SLC35F1: variants seen among roughly 807,000 people sequenced by gnomAD.
SLC35F1 encodes the protein solute carrier family 35 member F1, also known as chromosome 6 open reading frame 169.
In SLC35F1, 14 loss-of-function variants were observed where a neutral mutation model predicts 48.7. That is an observed-to-expected ratio of 0.29 (90% CI 0.19 to 0.45). The LOEUF (loss-of-function observed/expected upper bound fraction) is 0.45, where lower values mean the gene tolerates loss of function less well. SLC35F1 is among the 20% of genes least tolerant of loss of function. The probability of loss-of-function intolerance (pLI) is 1.00; values close to 1 mark genes in which losing one functional copy is unlikely to be tolerated. For synonymous variants in SLC35F1, 190 were observed against 202.2 expected, an observed-to-expected ratio of 0.94 and a Z score of 0.51; for missense variants, 404 against 500.0, an observed-to-expected ratio of 0.81 and a Z score of 1.83.
intron 1 of SLC35F1, among the ~76,000 whole-genome samples, chr6:117,939,402 G>A (rs1998458): frequency 6.6e-6 from 1 of 152,032 alleles, no homozygotes; most frequent in Non-Finnish European, 1.5e-5. Context: ...CTGCATGTGA[G>A]TTTTGCATTT....
intron 1 of SLC35F1, chr6:117,998,829 A>G (rs1187536085): frequency 3.8e-6 from 2 of 521,280 alleles, no homozygotes; most frequent in African/African-American, 3.9e-5. Flanking sequence ...AGCAGGAAAG[A>G]TCCAAAATTG....
At chr6:117,975,429 G>C (rs1776693244) in intron 1 of SLC35F1, among the ~76,000 whole-genome samples, 1 of 152,192 alleles carries the variant, frequency 6.6e-6, no homozygotes, top group Non-Finnish European at 1.5e-5. Flanking sequence ...CAGCATCCCA[G>C]GAAAAGTCTG....
At chr6:118,049,386 C>T (rs2114908578) in intron 1 of SLC35F1, among the ~76,000 whole-genome samples, 1 of 152,172 alleles carries the variant, frequency 6.6e-6, no homozygotes, top group South Asian at 2.1e-4. Context: ...AACTAAAGAG[C>T]TTCTGCACAG....
At chr6:117,968,580 A>C (rs1776600457) in intron 1 of SLC35F1, among the ~76,000 whole-genome samples, 1 of 152,162 alleles carries the variant, frequency 6.6e-6, no homozygotes, top group Admixed American at 6.6e-5. Context: ...AGTGAGGTAG[A>C]TTTTGTTTAT....
chr6:118,030,895 A>T (rs978174394), intron 1 of SLC35F1, among the ~76,000 whole-genome samples: 1 of 152,184 alleles, frequency 6.6e-6, no homozygotes, highest in Admixed American at 6.5e-5. Context: ...TCCTCTAAGT[A>T]GGTCTTAATT....
chr6:118,209,027 C>T (rs528988056), intron 2 of SLC35F1, among the ~76,000 whole-genome samples: 2 of 152,284 alleles, frequency 1.3e-5, no homozygotes, highest in African/African-American at 4.8e-5. Flanking sequence ...CCTTGAAGAC[C>T]CTCATTCCAA....
rs1473497896 is a variant in SLC35F1 at position 117,923,648 on chromosome 6, T to TATACAC, written c.173+15751_173+15752insACACAT. On this transcript the variant is annotated intron_variant, in intron 1 of 7. Transcript: ENST00000360388. ...ATATACATATATGTACATATGTACA[T>TATACAC]ATGTACATATGTATATATACATATA... 2.2e-3 allele frequency among the ~76,000 whole-genome samples: 200 copies of TATACAC among 90,918 alleles called. 48 individuals are homozygous for TATACAC. The highest frequency in any genetic ancestry group is 0.015 in the Middle Eastern group (1 of 68). 59.6% of individuals were successfully genotyped at this position (90,918 alleles called of 152,430 possible).
chr6:118,180,516 G>GA (rs1363758469), intron 2 of SLC35F1, among the ~76,000 whole-genome samples: 1 of 151,744 alleles, frequency 6.6e-6, no homozygotes, highest in Non-Finnish European at 1.5e-5. Flanking sequence ...AGGTAGATCT[G>GA]AAAAAAACAA....
chr6:117,999,390 C>G, intron 1 of SLC35F1: 2 of 1,583,632 alleles, frequency 1.3e-6, no homozygotes, highest in Non-Finnish European at 1.7e-6. Context: ...GCAGCTCCAG[C>G]TTCAGTTCCA....
chr6:118,023,449 A>G (rs984666334), intron 1 of SLC35F1, among the ~76,000 whole-genome samples: 11 of 152,138 alleles, frequency 7.2e-5, no homozygotes, highest in African/African-American at 2.4e-5. Context: ...ATAATCACTG[A>G]GAGAAAATTT....
intron 1 of SLC35F1, among the ~76,000 whole-genome samples, chr6:118,038,243 G>C (rs1384221790): frequency 1.3e-5 from 2 of 151,944 alleles, no homozygotes; most frequent in Non-Finnish European, 2.9e-5. Flanking sequence ...AAAACCCATA[G>C]TCTTTTATAT....
At chr6:117,957,151 A>C (rs566214703) in intron 1 of SLC35F1, among the ~76,000 whole-genome samples, 7 of 152,304 alleles carry the variant, frequency 4.6e-5, no homozygotes, top group Admixed American at 6.5e-5. Context: ...CATCTTCCTC[A>C]GACATATTTC....
At chr6:118,084,995 T>A (rs1224202142) in intron 1 of SLC35F1, among the ~76,000 whole-genome samples, 1 of 152,126 alleles carries the variant, frequency 6.6e-6, no homozygotes, top group Non-Finnish European at 1.5e-5. Context: ...TATTCTTTGA[T>A]TTGTTTAACC....
chr6:118,128,424 A>T (rs1406815331), intron 1 of SLC35F1, among the ~76,000 whole-genome samples: 3 of 150,622 alleles, frequency 2.0e-5, no homozygotes, highest in South Asian at 2.1e-4. Flanking sequence ...ATGTCCAACA[A>T]TGATAGACTG....
intron 3 of SLC35F1, among the ~76,000 whole-genome samples, chr6:118,247,936 T>A (rs555600939): frequency 6.6e-6 from 1 of 152,386 alleles, no homozygotes; most frequent in Admixed American, 6.5e-5. Context: ...GAAAGTATTA[T>A]CTAGCATAAT....
intron 1 of SLC35F1, among the ~76,000 whole-genome samples, chr6:117,939,729 G>A (rs1308429004): frequency 6.6e-6 from 1 of 152,204 alleles, no homozygotes; most frequent in Non-Finnish European, 1.5e-5. Context: ...GTTTTTTAAA[G>A]AAGTGAAAGG....
intron 1 of SLC35F1, among the ~76,000 whole-genome samples, chr6:118,027,859 G>C (rs774349386): frequency 2.6e-5 from 4 of 152,078 alleles, no homozygotes; most frequent in Non-Finnish European, 5.9e-5. Context: ...TGAGAGACAA[G>C]ATCGGGCATG....
chr6:118,236,732 T>C (rs1775370265), intron 3 of SLC35F1, among the ~76,000 whole-genome samples: 1 of 152,174 alleles, frequency 6.6e-6, no homozygotes, highest in Non-Finnish European at 1.5e-5. Context: ...CAGGTGCATA[T>C]TGAAGAAAAT....
At chr6:118,243,997 C>T (rs1775472865) in intron 3 of SLC35F1, among the ~76,000 whole-genome samples, 1 of 152,230 alleles carries the variant, frequency 6.6e-6, no homozygotes, top group African/African-American at 2.4e-5. Context: ...TCCAGACTTC[C>T]TATTGCCATG....
Sources: allele counts gnomAD v4.1 joint callset (sites outside exome capture counted in the v4.1 genomes callset), GRCh38; gene constraint gnomAD v4.1.1; transcripts MANE v1.5; gene names NCBI Gene and HGNC (gene_info 2026-07-23, HGNC 2026-07-21).